The following GNB1L variants were observed in gnomAD, a reference collection of about 807,000 sequenced individuals.
GNB1L encodes guanine nucleotide-binding protein subunit beta-like protein 1.
A neutral mutation model predicts 29.1 loss-of-function variants in GNB1L; 20 were observed. That is an observed-to-expected ratio of 0.69 (90% CI 0.48 to 1.00). The LOEUF is 1.00. GNB1L is among the 50% of genes least tolerant of loss of function. The probability of loss-of-function intolerance (pLI) is 0.00; values close to 1 mark genes in which losing one functional copy is unlikely to be tolerated. For synonymous variants in GNB1L, 193 were observed against 206.5 expected (o/e 0.93, Z 0.56); for missense variants, 421 against 464.9 (o/e 0.91, Z 0.87).
intron 2 of GNB1L, chr22:19,849,176 C>T: frequency 1.0e-6 from 1 of 985,414 alleles, no homozygotes; most frequent in Non-Finnish European, 1.2e-6. Flanking sequence ...TGCTTTGCTA[C>T]CAGGGCTATA....
intron 2 of GNB1L, chr22:19,849,271 A>G: frequency 1.0e-6 from 1 of 983,744 alleles, no homozygotes; most frequent in Non-Finnish European, 1.2e-6. Context: ...GAAATAACTC[A>G]CACATAAAAC....
intron 2 of GNB1L, among the ~76,000 whole-genome samples, chr22:19,834,180 A>G (rs931741723): frequency 2.6e-5 from 4 of 152,216 alleles, no homozygotes; most frequent in African/African-American, 9.6e-5. Flanking sequence ...CATAGGATAA[A>G]TTCAAAGAAA....
rs1204547217 is a variant in GNB1L, at chr22:19,787,721, C to T, written c.*988G>A. ...CCGGGCAGACACAGGCGTGTGTGGT[C>T]CCAGCTTCTCTGGATCTGCCCATGG... On this transcript the variant is annotated 3_prime_UTR_variant, in exon 8 of 8. Transcript: ENST00000329517. 1.3e-5 allele frequency: 2 copies of T among 152,312 alleles called. No homozygotes were observed. The highest frequency in any genetic ancestry group is 2.4e-5 in the African/African-American group (1 of 41,480). The allele number at this position is 152,312 out of a possible 1,614,324, so 9.4% of individuals were successfully genotyped here.
At chr22:19,823,574 G>A (rs1293962156) in intron 2 of GNB1L, among the ~76,000 whole-genome samples, 1 of 152,184 alleles carries the variant, frequency 6.6e-6, no homozygotes, top group Admixed American at 6.5e-5. Context: ...CACCTAGCAG[G>A]AAAGCACCGA....
At chr22:19,796,578 A>G (rs1184764943) in intron 7 of GNB1L, among the ~76,000 whole-genome samples, 2 of 152,236 alleles carry the variant, frequency 1.3e-5, no homozygotes, top group African/African-American at 2.4e-5. Flanking sequence ...AACCATAAAA[A>G]CATTCTAATT....
rs966703103 is a variant in GNB1L at position 19,784,139 on chromosome 22, G to A, written c.*4570C>T. On this transcript the variant is annotated 3_prime_UTR_variant, in exon 8 of 8. Coordinates refer to ENST00000329517, the MANE Select transcript of GNB1L (RefSeq NM_053004.3). ...TTCACATGAAGTTCTAGCTAATTGA[G>A]TATAAGCATTTCTAAAGAACCCCCG... 6.6e-6 allele frequency: 1 copy of A among 152,246 alleles called. No homozygotes were observed. The highest frequency in any genetic ancestry group is 1.5e-5 in the Non-Finnish European group (1 of 68,054). 9.4% of individuals were successfully genotyped at this position (152,246 alleles called of 1,614,324 possible). A position where few individuals can be genotyped will look rare whatever the true frequency, so the allele number is the denominator to read the frequency against.
At chr22:19,838,095 T>C (rs189447703) in intron 2 of GNB1L, among the ~76,000 whole-genome samples, 30 of 152,366 alleles carry the variant, frequency 2.0e-4, no homozygotes, top group African/African-American at 6.5e-4. Flanking sequence ...ACTTGAAATA[T>C]GTGCAGTTTA....
intron 7 of GNB1L, among the ~76,000 whole-genome samples, chr22:19,790,711 G>A (rs927225704): frequency 1.3e-5 from 2 of 152,104 alleles, no homozygotes; most frequent in African/African-American, 2.4e-5. Context: ...GTGTGGTCGT[G>A]TAGTCCCAGC....
chr22:19,784,917 C>G lies in GNB1L; in HGVS notation c.*3792G>C, dbSNP rs746588523. 5 of 152,304 alleles carry G rather than the reference C, an allele frequency of 3.3e-5. No homozygotes were observed. The highest frequency in any genetic ancestry group is 5.9e-5 in the Non-Finnish European group (4 of 68,086). The allele number at this position is 152,304 out of a possible 1,614,324, so 9.4% of individuals were successfully genotyped here. A position where few individuals can be genotyped will look rare whatever the true frequency, so the allele number is the denominator to read the frequency against. On this transcript the variant is annotated 3_prime_UTR_variant, in exon 8 of 8. Coordinates refer to ENST00000329517, the MANE Select transcript of GNB1L (RefSeq NM_053004.3). The stretch of plus-strand genomic sequence containing the variant: ...ACAGAACACCCCAAGGCCACCCCTG[C>G]TGGCTGTGAAGACACCACCAGGCGG...
chr22:19,835,385 A>AAAC (rs1555902290), intron 2 of GNB1L, among the ~76,000 whole-genome samples: 4 of 149,566 alleles, frequency 2.7e-5, no homozygotes, highest in Non-Finnish European at 4.4e-5. Context: ...AAAAAAAAAA[A>AAAC]AAACAAACAA....
chr22:19,823,886 C>A (rs1937598769), intron 2 of GNB1L, among the ~76,000 whole-genome samples: 1 of 152,186 alleles, frequency 6.6e-6, no homozygotes, highest in Non-Finnish European at 1.5e-5. Context: ...CAGGCACAGG[C>A]ACTCACGTAT....
At chr22:19,852,439 TGAG>T in intron 2 of GNB1L, 2 of 632,948 alleles carry the variant, frequency 3.2e-6, no homozygotes, top group Non-Finnish European at 5.5e-6. Flanking sequence ...TCAGGAGAGC[TGAG>T]AAGAGCTGAG....
chr22:19,812,474 G>C, intron 4 of GNB1L, 27 bp from the exon 5 acceptor site: 1 of 1,597,734 alleles, frequency 6.3e-7, no homozygotes, highest in African/African-American at 1.3e-5. Flanking sequence ...AGACAGGCCT[G>C]AGACTCCCCT....
In GNB1L at chr22:19,847,803, G is replaced by GAAAA. The variant is rs1468350618; in HGVS notation, c.-21+6639_-21+6640insTTTT. The GAAAA allele has an allele frequency of 4.1e-3, 1,816 of 440,168 alleles. 82 individuals are homozygous for GAAAA. The African/African-American group carries it at 0.075, about 18-fold the overall frequency. The allele number at this position is 440,168 out of a possible 1,614,324, so 27.3% of individuals were successfully genotyped here. On this transcript the variant is annotated intron_variant, in intron 2 of 7. Coordinates refer to ENST00000329517, the MANE Select transcript of GNB1L (RefSeq NM_053004.3). ...AACTTTTAAAATCCTGGAATCATAGGCAAAAAAAAAAAAAAAAAAAAATTC... is the reference window on the plus strand; with the variant it reads ...AACTTTTAAAATCCTGGAATCATAGGAAAACAAAAAAAAAAAAAAAAAAAAATTC...
Position 19,849,323 on chromosome 22 carries a change from A to G in GNB1L, c.-21+5120T>C, listed in dbSNP as rs2145904268. ...CTTTTCTAGTGATAGTTACCATAAA[A>G]TAATCCCAACAATTTATATTTTTCT... On this transcript the variant is annotated intron_variant, in intron 2 of 7. Coordinates refer to ENST00000329517, the MANE Select transcript of GNB1L (RefSeq NM_053004.3). 4 of 972,792 alleles carry G rather than the reference A, an allele frequency of 4.1e-6. No individual in the cohort carries two copies. The South Asian group carries it at 1.4e-4, about 35-fold the overall frequency. The allele number at this position is 972,792 out of a possible 1,614,324, so 60.3% of individuals were successfully genotyped here. A position where few individuals can be genotyped will look rare whatever the true frequency, so the allele number is the denominator to read the frequency against.
intron 6 of GNB1L, 67 bp downstream of exon 6, chr22:19,806,592 G>A: frequency 1.0e-6 from 1 of 976,760 alleles, no homozygotes; most frequent in South Asian, 1.5e-5. Context: ...ATCAGATCCT[G>A]AATGGAGCAT....
rs760148141 is a variant in GNB1L, at chr22:19,788,683, C to T, written c.*26G>A. ...TGCCCACCTCCCTGCCCGCCCTCCT[C>T]GTCTCCCGGGAAGGGAGTGGGTGAG... On this transcript the variant is annotated 3_prime_UTR_variant, in exon 8 of 8. Coordinates refer to ENST00000329517, the MANE Select transcript of GNB1L (RefSeq NM_053004.3). 5.1e-5 allele frequency: 83 copies of T among 1,612,038 alleles called. No homozygotes were observed. Among genetic ancestry groups the T allele is most frequent in the Admixed American group, 1.0e-4 (6 of 59,970 alleles).
intron 2 of GNB1L, among the ~76,000 whole-genome samples, chr22:19,837,838 C>A (rs2048202699): frequency 6.6e-6 from 1 of 152,172 alleles, no homozygotes; most frequent in African/African-American, 2.4e-5. Flanking sequence ...TCAAAATAAT[C>A]ATGTCAGGTG....
At chr22:19,822,562 C>G (rs1236348192) in intron 2 of GNB1L, among the ~76,000 whole-genome samples, 1 of 152,154 alleles carries the variant, frequency 6.6e-6, no homozygotes, top group African/African-American at 2.4e-5. Context: ...AGGCCAGGAG[C>G]AGACCACTGG....
Sources: allele counts gnomAD v4.1 joint callset (sites outside exome capture counted in the v4.1 genomes callset), GRCh38; gene constraint gnomAD v4.1.1; transcripts MANE v1.5; gene names NCBI Gene and HGNC (gene_info 2026-07-23, HGNC 2026-07-21).